Variants in STX8 observed in about 807,000 individuals in gnomAD.
STX8 encodes the protein syntaxin-8.
STX8 carries 23 observed loss-of-function variants against 37.5 expected under a neutral mutation model. That is an observed-to-expected ratio of 0.61 (90% CI 0.44 to 0.87). The LOEUF (loss-of-function observed/expected upper bound fraction) is 0.87. Ranked by LOEUF, STX8 falls within the 40% of genes least tolerant of loss-of-function variation. The probability of loss-of-function intolerance (pLI) is 0.00; values close to 1 mark genes in which losing one functional copy is unlikely to be tolerated. For missense variants in STX8, 313 were observed against 284.7 expected (o/e 1.10, Z -0.71); for synonymous variants, 115 against 99.1 (o/e 1.16, Z -0.95).
At chr17:9,286,436 G>A (rs994716644) in intron 7 of STX8, among the ~76,000 whole-genome samples, 4 of 152,156 alleles carry the variant, frequency 2.6e-5, no homozygotes, top group African/African-American at 4.8e-5. Flanking sequence ...CAGAGCTGAC[G>A]ATTTTATGCA....
chr17:9,267,852 G>A (rs1003906582), intron 7 of STX8, among the ~76,000 whole-genome samples: 9 of 152,226 alleles, frequency 5.9e-5, no homozygotes, highest in East Asian at 1.9e-4. Context: ...TTAGCTGGGC[G>A]TGGTGGTGGG....
intron 6 of STX8, among the ~76,000 whole-genome samples, chr17:9,394,946 G>A (rs960491680): frequency 4.0e-5 from 5 of 126,400 alleles, no homozygotes; most frequent in African/African-American, 1.2e-4. Flanking sequence ...GCGTAGTGGC[G>A]GGCGCCGTAA....
chr17:9,348,002 T>C (rs1261125533), intron 7 of STX8, among the ~76,000 whole-genome samples: 1 of 152,188 alleles, frequency 6.6e-6, no homozygotes, highest in Non-Finnish European at 1.5e-5. Context: ...AATATTCCAT[T>C]GTATGGTGTG....
At chr17:9,365,648 G>A (rs1911206919) in intron 7 of STX8, among the ~76,000 whole-genome samples, 1 of 152,230 alleles carries the variant, frequency 6.6e-6, no homozygotes, top group South Asian at 2.1e-4. Context: ...AAGGAAAAGA[G>A]AGCAGAGGAC....
intron 7 of STX8, among the ~76,000 whole-genome samples, chr17:9,290,804 G>A (rs993970490): frequency 6.6e-6 from 1 of 152,182 alleles, no homozygotes; most frequent in African/African-American, 2.4e-5. Context: ...TTGGAAAAGG[G>A]GAAAGGCACA....
At chr17:9,376,668 C>G (rs112182401) in intron 7 of STX8, among the ~76,000 whole-genome samples, 5,062 of 152,292 alleles carry the variant, frequency 0.033, 287 homozygotes, top group African/African-American at 0.11. Context: ...GCAGTAACAC[C>G]GGCTGCAACG....
intron 7 of STX8, among the ~76,000 whole-genome samples, chr17:9,333,216 A>G (rs1910018118): frequency 6.6e-6 from 1 of 152,138 alleles, no homozygotes; most frequent in Non-Finnish European, 1.5e-5. Flanking sequence ...TGAGCACAGT[A>G]TCCAATAGGT....
intron 6 of STX8, among the ~76,000 whole-genome samples, chr17:9,389,413 G>A (rs554378053): frequency 6.6e-6 from 1 of 152,234 alleles, no homozygotes; most frequent in East Asian, 1.9e-4. Context: ...ACTTGCATTT[G>A]GTTTCACGAA....
At chr17:9,323,342 A>C (rs1349361956) in intron 7 of STX8, among the ~76,000 whole-genome samples, 1 of 152,214 alleles carries the variant, frequency 6.6e-6, no homozygotes, top group Non-Finnish European at 1.5e-5. Flanking sequence ...AGCAATAAGA[A>C]TCAATTAAAC....
intron 6 of STX8, among the ~76,000 whole-genome samples, chr17:9,444,649 T>C (rs575544093): frequency 6.6e-6 from 1 of 152,226 alleles, no homozygotes; most frequent in South Asian, 2.1e-4. Context: ...GAGCACATCA[T>C]CTTTACTAAA....
chr17:9,339,244 G>A (rs991357349), intron 7 of STX8, among the ~76,000 whole-genome samples: 5 of 152,212 alleles, frequency 3.3e-5, no homozygotes, highest in East Asian at 1.9e-4. Flanking sequence ...ACAAGTAAAC[G>A]AAGTGTTTTA....
intron 7 of STX8, among the ~76,000 whole-genome samples, chr17:9,291,189 C>A (rs1908299315): frequency 6.6e-6 from 1 of 152,126 alleles, no homozygotes; most frequent in Admixed American, 6.5e-5. Context: ...GTGGCTCACA[C>A]CTCCCAGCAC....
chr17:9,572,246 C>T (rs940668457), intron 1 of STX8, among the ~76,000 whole-genome samples: 4 of 152,106 alleles, frequency 2.6e-5, no homozygotes, highest in South Asian at 2.1e-4. Flanking sequence ...ATCATGGGCT[C>T]CTTCTGTTAA....
intron 7 of STX8, among the ~76,000 whole-genome samples, chr17:9,357,553 G>A (rs1161015736): frequency 6.6e-6 from 1 of 151,966 alleles, no homozygotes; most frequent in Non-Finnish European, 1.5e-5. Flanking sequence ...AAAAGTAGCT[G>A]AGTATGGTGG....
chr17:9,378,895 G>A (rs1911694630), intron 6 of STX8, among the ~76,000 whole-genome samples: 1 of 152,066 alleles, frequency 6.6e-6, no homozygotes, highest in Non-Finnish European at 1.5e-5. Context: ...CACATTCAGA[G>A]GAAAGAAAGC....
intron 6 of STX8, among the ~76,000 whole-genome samples, chr17:9,439,870 G>A (rs1904576987): frequency 6.6e-6 from 1 of 152,044 alleles, no homozygotes; most frequent in South Asian, 2.1e-4. Context: ...GAAGTCTGGA[G>A]CTGGAACACA....
At chr17:9,277,011 A>T (rs1166377840) in intron 7 of STX8, among the ~76,000 whole-genome samples, 2 of 108,776 alleles carry the variant, frequency 1.8e-5, no homozygotes, top group Non-Finnish European at 4.3e-5. Flanking sequence ...CACAAGTGTG[A>T]TCATTAACAC....
chr17:9,481,237 G>T (rs1906327468), intron 6 of STX8, among the ~76,000 whole-genome samples: 1 of 152,134 alleles, frequency 6.6e-6, no homozygotes. Context: ...CATGCCACCA[G>T]GAAGTGCACC....
chr17:9,287,531 T>G (rs893465895), intron 7 of STX8, among the ~76,000 whole-genome samples: 5 of 152,176 alleles, frequency 3.3e-5, no homozygotes, highest in African/African-American at 4.8e-5. Flanking sequence ...CTCTTCCTGT[T>G]TGGCTCCCAG....
Sources: allele counts gnomAD v4.1 joint callset (sites outside exome capture counted in the v4.1 genomes callset), GRCh38; gene constraint gnomAD v4.1.1; transcripts MANE v1.5; gene names NCBI Gene and HGNC (gene_info 2026-07-23, HGNC 2026-07-21).